Variants in DGAT2L6 observed in about 807,000 individuals in gnomAD.
DGAT2L6 encodes diacylglycerol O-acyltransferase 2 like 6, also known as diacylglycerol O-acyltransferase 2-like protein 6.
DGAT2L6 carries 22 observed loss-of-function variants against 25.5 expected under a neutral mutation model. The observed-to-expected ratio is 0.86, with a 90% CI of 0.62 to 1.23. DGAT2L6 has a LOEUF of 1.23. Ranked by LOEUF, DGAT2L6 falls within the 50% of genes most tolerant of loss-of-function variation. The pLI is 0.00. For synonymous variants in DGAT2L6, 100 were observed against 94.7 expected (o/e 1.06, Z -0.32); for missense variants, 287 against 253.2 (o/e 1.13, Z -0.91).
rs1476272303 is a variant in DGAT2L6, at chrX:70,205,105, AAC to A, written c.*1_*2del. Reference sequence around the variant, plus strand: ...GAGACCCAAGAGCTGACAATTACATAACAGGAGCCACATTCCCCATTGATCAA... The same window carrying A: ...GAGACCCAAGAGCTGACAATTACATAAGGAGCCACATTCCCCATTGATCAA... On this transcript the variant is annotated stop_retained_variant and 3_prime_UTR_variant, in exon 7 of 7. Transcript: ENST00000333026. The A allele has an allele frequency of 8.5e-7, 1 of 1,183,238 alleles. No individual in the cohort carries two copies. Among genetic ancestry groups the A allele is most frequent in the African/African-American group, 1.8e-5 (1 of 55,975 alleles).
intron 1 of DGAT2L6, among the ~76,000 whole-genome samples, chrX:70,197,860 C>A (rs1437085990): frequency 8.9e-6 from 1 of 112,166 alleles, no homozygotes; most frequent in Admixed American, 9.4e-5. Flanking sequence ...CCATGGCAGG[C>A]TTCCCATAAA....
chrX:70,203,390 G>A (rs182878261), intron 5 of DGAT2L6, among the ~76,000 whole-genome samples: 81 of 112,085 alleles, frequency 7.2e-4, no homozygotes, highest in African/African-American at 2.5e-3. Flanking sequence ...AAAGTGCCAC[G>A]TGAGCACCAA....
chrX:70,188,093 C>G (rs1295743388), intron 1 of DGAT2L6, among the ~76,000 whole-genome samples: 1 of 112,037 alleles, frequency 8.9e-6, no homozygotes, highest in Non-Finnish European at 1.9e-5. Context: ...GGCTATTAAT[C>G]TATGGGCTAA....
chrX:70,186,983 G>A (rs749993131), intron 1 of DGAT2L6, among the ~76,000 whole-genome samples: 1 of 111,801 alleles, frequency 8.9e-6, no homozygotes, highest in African/African-American at 3.3e-5. Context: ...TTTGGAGGAA[G>A]CAAACAACAT....
rs1374819067 is a variant in DGAT2L6 at position 70,177,571 on chromosome X, AG to A, written c.-11del. 3 of 1,207,506 alleles carry A rather than the reference AG, an allele frequency of 2.5e-6. No individual in the cohort carries two copies. The highest frequency in any genetic ancestry group is 3.4e-6 in the Non-Finnish European group (3 of 893,049). On this transcript the variant is annotated 5_prime_UTR_variant, in exon 1 of 7. Coordinates refer to ENST00000333026, the MANE Select transcript of DGAT2L6 (RefSeq NM_198512.3). ...GTTAGGCTTCTTGCCACAACAGAAC[AG>A]CACCATAACCATGGCTTTCTTCTCC...
intron 1 of DGAT2L6, among the ~76,000 whole-genome samples, chrX:70,177,893 G>A (rs1456182817): frequency 9.1e-6 from 1 of 110,062 alleles, no homozygotes; most frequent in East Asian, 2.9e-4. Context: ...TTGGGAGGCC[G>A]AGGCAGGTGG....
At chrX:70,195,567 A>G (rs1232539420) in intron 1 of DGAT2L6, among the ~76,000 whole-genome samples, 3 of 111,365 alleles carry the variant, frequency 2.7e-5, no homozygotes, top group African/African-American at 9.8e-5. Flanking sequence ...TGCTAAGTGA[A>G]ATAAGCTAGA....
chrX:70,177,730 A>C, intron 1 of DGAT2L6, 63 bp downstream of exon 1: 1 of 993,246 alleles, frequency 1.0e-6, no homozygotes, highest in Non-Finnish European at 1.4e-6. Context: ...GCCAATCTCC[A>C]GATGAGGAGG....
chrX:70,195,015 T>C (rs2147607371), intron 1 of DGAT2L6, among the ~76,000 whole-genome samples: 1 of 111,695 alleles, frequency 9.0e-6, no homozygotes, highest in African/African-American at 3.3e-5. Context: ...ATCTCTAAAA[T>C]ATATAAAGAA....
In DGAT2L6 at chrX:70,178,449, G is replaced by A. The variant is rs370017186; in HGVS notation, c.85+782G>A. The stretch of plus-strand genomic sequence containing the variant: ...TCTTCTGAGGCAGCTTTTTTTTGTT[G>A]TTGTTGAGATGAAGTTTCACTCTTG... On this transcript the variant is annotated intron_variant, in intron 1 of 6. Coordinates refer to ENST00000333026, the MANE Select transcript of DGAT2L6 (RefSeq NM_198512.3). 9.0e-5 allele frequency among the ~76,000 whole-genome samples: 10 copies of A among 111,179 alleles called. No individual in the cohort carries two copies. In the South Asian group the frequency reaches 3.1e-3, roughly 34 times the overall value.
At chrX:70,204,876 C>A in intron 6 of DGAT2L6, 76 bp from the exon 7 acceptor site, 1 of 1,051,722 alleles carries the variant, frequency 9.5e-7, no homozygotes, top group South Asian at 2.6e-5. Flanking sequence ...AGTTTCAGTA[C>A]ATGGCTCCCA....
rs2085412269 is a variant in DGAT2L6 at position 70,201,995 on chromosome X, G to A, written c.578G>A (p.Cys193Tyr). The A allele has an allele frequency of 3.3e-6, 4 of 1,207,481 alleles. No homozygotes were observed. The highest frequency in any genetic ancestry group is 4.5e-6 in the Non-Finnish European group (4 of 894,377). ...VVGGAAEALL[C>Y]RPGASTLFLK... ...GGTGGAGCTGCTGAAGCTCTCTTGT[G>A]CCGACCAGGAGCCTCCACTCTCTTC... Residue 193 changes from cysteine to tyrosine, a missense_variant, in exon 5 of 7, where the codon TGC becomes TAC. By Grantham distance (194) the Cys-to-Tyr change is radical. Transcript: ENST00000333026.
At chrX:70,204,741 C>A (rs919618659) in intron 6 of DGAT2L6, among the ~76,000 whole-genome samples, 1 of 111,723 alleles carries the variant, frequency 9.0e-6, no homozygotes. Context: ...CATTCTGTCA[C>A]CACTCTCCTG....
intron 1 of DGAT2L6, among the ~76,000 whole-genome samples, chrX:70,181,080 T>G (rs12391218): frequency 0.21 from 23,975 of 111,578 alleles, 2,090 homozygotes; most frequent in African/African-American, 0.32. Flanking sequence ...ATGGAATTCC[T>G]GGATCACACA....
intron 1 of DGAT2L6, among the ~76,000 whole-genome samples, chrX:70,187,887 G>C (rs2085364105): frequency 1.8e-5 from 2 of 112,019 alleles, no homozygotes; most frequent in Admixed American, 1.9e-4. Context: ...TACAGTCTCT[G>C]GGGTAAGACA....
Position 70,199,347 on chromosome X carries a change from C to G in DGAT2L6, c.162C>G (p.Ala54=). ...KFWPLAVLSL[A]WLTYDWNTHS... is the part of the protein sequence containing the mutation. ...GGCCCTTGGCTGTGCTCTCCTTAGC[C>G]TGGCTCACCTATGATTGGAACACCC... Residue 54 remains alanine (A), a synonymous_variant, in exon 2 of 7, where the codon GCC becomes GCG. Coordinates refer to ENST00000333026, the MANE Select transcript of DGAT2L6 (RefSeq NM_198512.3). The G allele has an allele frequency of 8.4e-7, 1 of 1,192,676 alleles. No individual in the cohort carries two copies. The highest frequency in any genetic ancestry group is 3.0e-5 in the East Asian group (1 of 33,382).
Position 70,205,027 on chromosome X carries a change from T to C in DGAT2L6, c.935T>C (p.Ile312Thr). 1 of 1,207,610 alleles carries C rather than the reference T, an allele frequency of 8.3e-7. No individual in the cohort carries two copies. Among genetic ancestry groups the C allele is most frequent in the Non-Finnish European group, 1.1e-6 (1 of 893,715 alleles). The stretch of plus-strand genomic sequence containing the variant: ...GTAGACAAGTATCACGCACTCTACA[T>C]CAGTGCCCTGCGCAAGCTCTTTGAC... ...KTVDKYHALY[I>T]SALRKLFDQH... Residue 312 changes from isoleucine to threonine, a missense_variant, in exon 7 of 7, where the codon ATC becomes ACC. Transcript: ENST00000333026.
At chrX:70,189,818 G>C (rs755164311) in intron 1 of DGAT2L6, among the ~76,000 whole-genome samples, 1 of 111,707 alleles carries the variant, frequency 9.0e-6, no homozygotes, top group East Asian at 2.8e-4. Context: ...GTAAAATGTT[G>C]ACAATGGGTA....
At chrX:70,182,296 G>T (rs1296481579) in intron 1 of DGAT2L6, among the ~76,000 whole-genome samples, 1 of 109,563 alleles carries the variant, frequency 9.1e-6, no homozygotes, top group Non-Finnish European at 1.9e-5. Context: ...GGCTCTGACA[G>T]CCCCTCTGAG....
Sources: allele counts gnomAD v4.1 joint callset (sites outside exome capture counted in the v4.1 genomes callset), GRCh38; gene constraint gnomAD v4.1.1; transcripts MANE v1.5; gene names NCBI Gene and HGNC (gene_info 2026-07-23, HGNC 2026-07-21).